Variants in PRKCE observed in about 807,000 individuals in gnomAD.
PRKCE encodes the protein protein kinase C epsilon type.
Under a neutral mutation model 85.4 loss-of-function variants are expected in PRKCE, and 16 were observed. That is an observed-to-expected ratio of 0.19 (90% CI 0.13 to 0.28). PRKCE has a LOEUF of 0.28. Among genes scored for constraint, PRKCE ranks in the 10% least tolerant of loss-of-function variants. The pLI, the probability that PRKCE is intolerant of heterozygous loss-of-function variation, is 1.00. For missense variants in PRKCE, 573 were observed against 975.2 expected, an observed-to-expected ratio of 0.59 and a Z score of 5.49; for synonymous variants, 388 against 371.5, an observed-to-expected ratio of 1.04 and a Z score of -0.51.
intron 1 of PRKCE, among the ~76,000 whole-genome samples, chr2:45,841,180 G>A (rs937756519): frequency 6.6e-6 from 1 of 152,200 alleles, no homozygotes; most frequent in Non-Finnish European, 1.5e-5. Flanking sequence ...TAGAGGGACA[G>A]AATCAATAGG....
intron 1 of PRKCE, among the ~76,000 whole-genome samples, chr2:45,780,319 T>C (rs994853239): frequency 1.3e-5 from 2 of 152,258 alleles, no homozygotes; most frequent in Admixed American, 6.5e-5. Context: ...ATTTCTTTTT[T>C]TGTTGAAGAA....
intron 1 of PRKCE, among the ~76,000 whole-genome samples, chr2:45,699,637 TAAC>T (rs1341592576): frequency 6.6e-6 from 1 of 152,216 alleles, no homozygotes; most frequent in African/African-American, 2.4e-5. Flanking sequence ...TTAGCCTTAA[TAAC>T]TGTTTAAAGC....
intron 1 of PRKCE, among the ~76,000 whole-genome samples, chr2:45,830,333 A>G (rs1441874132): frequency 6.6e-6 from 1 of 152,106 alleles, no homozygotes; most frequent in Non-Finnish European, 1.5e-5. Flanking sequence ...GAAAACAGGA[A>G]GGCACTGCCT....
At chr2:46,011,784 A>T (rs963700688) in intron 10 of PRKCE, among the ~76,000 whole-genome samples, 1 of 151,590 alleles carries the variant, frequency 6.6e-6, no homozygotes, top group Non-Finnish European at 1.5e-5. Context: ...ACACATACAC[A>T]TGCACCCACA....
chr2:46,086,397 A>T (rs1251377789), intron 11 of PRKCE, 35 bp downstream of exon 11: 1 of 1,585,860 alleles, frequency 6.3e-7, no homozygotes, highest in Non-Finnish European at 8.5e-7. Context: ...CCTGAAAGTG[A>T]AGAAAATAAA....
At chr2:46,028,663 A>T (rs903003821) in intron 10 of PRKCE, among the ~76,000 whole-genome samples, 2 of 152,184 alleles carry the variant, frequency 1.3e-5, no homozygotes, top group Non-Finnish European at 2.9e-5. Flanking sequence ...ATAATAACTG[A>T]TGTTCTTTTT....
chr2:45,989,509 A>G (rs1189703349), intron 6 of PRKCE, among the ~76,000 whole-genome samples: 2 of 152,160 alleles, frequency 1.3e-5, no homozygotes, highest in African/African-American at 4.8e-5. Flanking sequence ...TTTAACCCCA[A>G]CTGCCCTCTT....
At position 46,010,880 on chromosome 2, in the gene PRKCE, C is replaced by T. The variant is rs376230022; in HGVS notation, c.1437+363C>T. ...AATCACTTAACTTCTAAGTTATTTT[C>T]ATGTCATATGAAAAAGAGTAAAGGC... is the stretch of plus-strand genomic sequence containing the variant. On this transcript the variant is annotated intron_variant, in intron 10 of 14. Transcript: ENST00000306156. The T allele has an allele frequency of 1.1e-5, 16 of 1,495,880 alleles. No homozygotes were observed. The African/African-American group carries it at 1.4e-4, about 13-fold the overall frequency. 92.7% of individuals were successfully genotyped at this position (1,495,880 alleles called of 1,614,324 possible). A position where few individuals can be genotyped will look rare whatever the true frequency, so the allele number is the denominator to read the frequency against.
intron 10 of PRKCE, among the ~76,000 whole-genome samples, chr2:46,032,869 C>G (rs1464632880): frequency 6.6e-6 from 1 of 152,204 alleles, no homozygotes; most frequent in Non-Finnish European, 1.5e-5. Flanking sequence ...ACTTCCACAT[C>G]TGCAGGCTGC....
At chr2:45,736,238 G>A (rs371905371) in intron 1 of PRKCE, among the ~76,000 whole-genome samples, 36 of 152,238 alleles carry the variant, frequency 2.4e-4, no homozygotes, top group African/African-American at 8.4e-4. Flanking sequence ...TGGGATTACA[G>A]GTGTGAGCCA....
At chr2:46,100,805 G>C (rs917783624) in intron 11 of PRKCE, among the ~76,000 whole-genome samples, 1 of 152,180 alleles carries the variant, frequency 6.6e-6, no homozygotes, top group African/African-American at 2.4e-5. Context: ...AGGAAGAAGA[G>C]CACATTCTGT....
intron 1 of PRKCE, among the ~76,000 whole-genome samples, chr2:45,761,110 G>A (rs920362269): frequency 9.2e-5 from 14 of 152,026 alleles, no homozygotes; most frequent in Non-Finnish European, 1.5e-4. Context: ...GGCGGATCAC[G>A]AGGTCAGGAG....
intron 11 of PRKCE, among the ~76,000 whole-genome samples, chr2:46,135,298 C>T (rs867950152): frequency 7.9e-5 from 12 of 152,188 alleles, no homozygotes; most frequent in African/African-American, 2.2e-4. Flanking sequence ...CATGAAAGGG[C>T]GGGCGTGTGG....
intron 2 of PRKCE, among the ~76,000 whole-genome samples, chr2:45,864,146 G>A (rs1293225979): frequency 5.9e-5 from 9 of 152,196 alleles, no homozygotes; most frequent in African/African-American, 2.2e-4. Context: ...ACCCCTCAAA[G>A]AGCGTCATTC....
intron 1 of PRKCE, among the ~76,000 whole-genome samples, chr2:45,820,072 A>C (rs1689398470): frequency 6.6e-6 from 1 of 152,102 alleles, no homozygotes; most frequent in African/African-American, 2.4e-5. Context: ...ATAAAGGAGG[A>C]TGTTTTAAGT....
At chr2:45,733,563 G>C (rs1038768200) in intron 1 of PRKCE, among the ~76,000 whole-genome samples, 5 of 152,224 alleles carry the variant, frequency 3.3e-5, no homozygotes, top group Non-Finnish European at 7.3e-5. Flanking sequence ...GAGTGGCCAG[G>C]TTGGGGTGTT....
chr2:45,995,569 C>A (rs1482122860), intron 6 of PRKCE, among the ~76,000 whole-genome samples: 4 of 152,114 alleles, frequency 2.6e-5, no homozygotes, highest in Non-Finnish European at 5.9e-5. Context: ...TTTTGCATGT[C>A]TAGTTTTTCT....
chr2:45,742,974 A>G (rs570835669), intron 1 of PRKCE, among the ~76,000 whole-genome samples: 91 of 152,350 alleles, frequency 6.0e-4, no homozygotes, highest in African/African-American at 2.1e-3. Flanking sequence ...TTGCAACAAC[A>G]TGGCTGAACC....
chr2:45,990,723 C>T (rs887278951), intron 6 of PRKCE, among the ~76,000 whole-genome samples: 1 of 150,614 alleles, frequency 6.6e-6, no homozygotes, highest in East Asian at 1.9e-4. Flanking sequence ...GACATGATCT[C>T]GGCTCTCAGC....
Sources: gnomAD v4.1 joint callset for allele counts (sites outside exome capture counted in the v4.1 genomes callset) on GRCh38, gnomAD v4.1.1 for gene constraint, MANE v1.5 for transcripts, NCBI Gene and HGNC (gene_info 2026-07-23, HGNC 2026-07-21) for gene names.